The following GRM4 variants were observed in gnomAD, a reference collection of about 807,000 sequenced individuals.
The protein encoded by GRM4 is metabotropic glutamate receptor 4.
In GRM4, 28 loss-of-function variants were observed where a neutral mutation model predicts 81.7. The ratio of observed to expected loss-of-function variants is 0.34; its 90% CI spans 0.25 to 0.47. The LOEUF is 0.47. GRM4 is among the 20% of genes least tolerant of loss of function. The pLI is 1.00. For missense variants in GRM4, 948 were observed against 1,290.0 expected, an observed-to-expected ratio of 0.73 and a Z score of 4.06; for synonymous variants, 488 against 528.8, an observed-to-expected ratio of 0.92 and a Z score of 1.06.
At chr6:34,112,731 C>T (rs549036811) in intron 2 of GRM4, among the ~76,000 whole-genome samples, 13 of 152,308 alleles carry the variant, frequency 8.5e-5, no homozygotes, top group East Asian at 3.9e-4. Context: ...CTCAGCCCCC[C>T]GCCCTATCCC....
rs959641753 is a variant in GRM4, at chr6:34,092,399, C to T, written c.520-300G>A. 5.3e-5 allele frequency among the ~76,000 whole-genome samples: 8 copies of T among 152,296 alleles called. No homozygotes were observed. The highest frequency in any genetic ancestry group is 1.9e-4 in the African/African-American group (8 of 41,566). ...AATTTACACAAAGAGCTCAAAGATC[C>T]CAGCCCAGGGAAAATCCCCACATAC... On this transcript the variant is annotated intron_variant, in intron 2 of 10. Transcript: ENST00000538487. The surrounding 1 kb of genome is among the most constrained non-coding windows in gnomAD (Gnocchi z 6.8).
intron 3 of GRM4, among the ~76,000 whole-genome samples, chr6:34,073,165 CCA>C (rs932803855): frequency 3.1e-4 from 5 of 16,100 alleles, no homozygotes; most frequent in South Asian, 3.9e-3. Flanking sequence ...AGACACACAC[CCA>C]CACACCACCA....
chr6:34,069,204 A>G lies in GRM4; in HGVS notation c.737-7176T>C, dbSNP rs142693060. On this transcript the variant is annotated intron_variant, in intron 3 of 10. Coordinates refer to ENST00000538487, the MANE Select transcript of GRM4 (RefSeq NM_000841.4). The surrounding 1 kb of genome is among the most constrained non-coding windows in gnomAD (Gnocchi z 6.4). ...CACACACACACACACACACACACAC[A>G]CGCACGCACACACGGCTCCTTCCTT... is the stretch of plus-strand genomic sequence containing the variant. Among the ~76,000 whole-genome samples the G allele has an allele frequency of 1.5e-5, 2 of 135,448 alleles. No individual in the cohort carries two copies. Among genetic ancestry groups the G allele is most frequent in the African/African-American group, 6.3e-5 (2 of 31,704 alleles). The allele number at this position is 135,448 out of a possible 152,430, so 88.9% of individuals were successfully genotyped here.
rs190562453 is a variant in GRM4, at chr6:34,043,053, C to T, written c.1169-2305G>A. Among the ~76,000 whole-genome samples the T allele has an allele frequency of 1.8e-3, 270 of 152,258 alleles. 1 individual carries two copies. The highest frequency in any genetic ancestry group is 3.4e-3 in the Middle Eastern group (1 of 294). On this transcript the variant is annotated intron_variant, in intron 6 of 10. Coordinates refer to ENST00000538487, the MANE Select transcript of GRM4 (RefSeq NM_000841.4). ...ACACCAGGACCACGGGGGTCATCTGCCCCCGCTGCCATTTTAAAGACAAGA... is the reference window on the plus strand; with the variant it reads ...ACACCAGGACCACGGGGGTCATCTGTCCCCGCTGCCATTTTAAAGACAAGA...
At chr6:34,132,741 A>G (rs1170868532) in intron 2 of GRM4, among the ~76,000 whole-genome samples, 1 of 152,218 alleles carries the variant, frequency 6.6e-6, no homozygotes, top group Non-Finnish European at 1.5e-5. Flanking sequence ...CAGCGCCACA[A>G]GGCTGGGTCC....
At chr6:34,058,040 G>C (rs1483099984) in intron 5 of GRM4, among the ~76,000 whole-genome samples, 2 of 152,206 alleles carry the variant, frequency 1.3e-5, no homozygotes, top group Non-Finnish European at 2.9e-5. Flanking sequence ...ATGAGTCTGA[G>C]AGGACCGGGG....
At chr6:34,063,778 C>G (rs1766300936) in intron 3 of GRM4, 1 of 152,236 alleles carries the variant, frequency 6.6e-6, no homozygotes, top group African/African-American at 2.4e-5. Flanking sequence ...CCCAGCTAAA[C>G]CCTCCATATG....
chr6:34,025,945 C>T (rs983175840), intron 10 of GRM4, among the ~76,000 whole-genome samples: 3 of 152,150 alleles, frequency 2.0e-5, no homozygotes, highest in Non-Finnish European at 4.4e-5. Context: ...GCAACACTCC[C>T]GGAGCACCCT....
At chr6:34,049,440 G>C (rs1187078953) in intron 6 of GRM4, among the ~76,000 whole-genome samples, 2 of 151,898 alleles carry the variant, frequency 1.3e-5, no homozygotes, top group African/African-American at 4.8e-5. Context: ...CCAGCATCCA[G>C]GGCTCACTGG....
chr6:34,052,972 T>C (rs970695259), intron 6 of GRM4, among the ~76,000 whole-genome samples: 1 of 152,222 alleles, frequency 6.6e-6, no homozygotes, highest in Admixed American at 6.5e-5. Flanking sequence ...ACAGACAGAA[T>C]TGGTACCAAC....
At chr6:34,151,475 C>T (rs1771044447) in intron 1 of GRM4, among the ~76,000 whole-genome samples, 1 of 152,196 alleles carries the variant, frequency 6.6e-6, no homozygotes, top group Non-Finnish European at 1.5e-5. Context: ...TGTCACAAGC[C>T]GGGATGTCAA....
intron 1 of GRM4, among the ~76,000 whole-genome samples, chr6:34,140,688 C>T (rs73744831): frequency 0.05 from 7,590 of 152,234 alleles, 456 homozygotes; most frequent in African/African-American, 0.14. Context: ...ACCCCCAGGC[C>T]TCTCCTCCCC....
intron 3 of GRM4, among the ~76,000 whole-genome samples, chr6:34,081,080 G>T (rs759321983): frequency 1.3e-5 from 2 of 152,184 alleles, no homozygotes; most frequent in Non-Finnish European, 1.5e-5. Context: ...AAGGCCAGAT[G>T]AAGGGAACCA....
chr6:34,147,118 T>C (rs1770952987), upstream of GRM4, among the ~76,000 whole-genome samples: 1 of 152,254 alleles, frequency 6.6e-6, no homozygotes, highest in South Asian at 2.1e-4. Context: ...TGCTGTCACA[T>C]GTAATGACCC....
chr6:34,127,991 C>T (rs1201653184), intron 2 of GRM4, among the ~76,000 whole-genome samples: 1 of 152,222 alleles, frequency 6.6e-6, no homozygotes, highest in Non-Finnish European at 1.5e-5. Context: ...TGCAGCCCAA[C>T]ATGGGACGAG....
At position 34,056,471 on chromosome 6, in the gene GRM4, C is replaced by T. The variant is rs1765892002; in HGVS notation, c.1168+73G>A. The T allele has an allele frequency of 5.1e-6, 7 of 1,379,632 alleles. No homozygotes were observed. The East Asian group carries it at 1.2e-4, about 24-fold the overall frequency. 85.5% of individuals were successfully genotyped at this position (1,379,632 alleles called of 1,614,324 possible). The stretch of plus-strand genomic sequence containing the variant: ...CGACAGACAAAGGGAGACTCTCGGC[C>T]TCAGGCCCCCAGGCTCGGCCCTCCC... On this transcript the variant is annotated intron_variant, in intron 6 of 10. Coordinates refer to ENST00000538487, the MANE Select transcript of GRM4 (RefSeq NM_000841.4).
chr6:34,053,955 G>A (rs894063849), intron 6 of GRM4, among the ~76,000 whole-genome samples: 1 of 152,134 alleles, frequency 6.6e-6, no homozygotes, highest in Non-Finnish European at 1.5e-5. Context: ...GCCCTGGTAT[G>A]GTGTTAAAAG....
intron 2 of GRM4, among the ~76,000 whole-genome samples, chr6:34,100,573 G>T (rs1394215638): frequency 6.6e-6 from 1 of 152,190 alleles, no homozygotes; most frequent in African/African-American, 2.4e-5. Context: ...TCACTCACTT[G>T]ACCAGGGTTT....
intron 2 of GRM4, among the ~76,000 whole-genome samples, chr6:34,128,534 C>T (rs1176368048): frequency 2.6e-5 from 4 of 151,962 alleles, no homozygotes; most frequent in South Asian, 4.2e-4. Context: ...ACTGCCACCA[C>T]GCCCAGCTAA....
Sources: allele counts gnomAD v4.1 joint callset (sites outside exome capture counted in the v4.1 genomes callset), GRCh38; gene constraint gnomAD v4.1.1; non-coding constraint Gnocchi (gnomAD v3.1); transcripts MANE v1.5; gene names NCBI Gene and HGNC (gene_info 2026-07-23, HGNC 2026-07-21).